The following ZYG11A variants were observed in gnomAD, a reference collection of about 807,000 sequenced individuals.
The protein encoded by ZYG11A is zyg-11 family member A, cell cycle regulator, also known as protein zyg-11 homolog A.
In ZYG11A, 62 loss-of-function variants were observed where a neutral mutation model predicts 77.2. The ratio of observed to expected loss-of-function variants is 0.80; its 90% CI spans 0.65 to 0.99. The LOEUF is 0.99. Among genes scored for constraint, ZYG11A ranks in the 50% least tolerant of loss-of-function variants. The pLI, the probability that ZYG11A is intolerant of heterozygous loss-of-function variation, is 0.00. For missense variants in ZYG11A, 828 were observed against 896.8 expected (o/e 0.92, Z 0.98); for synonymous variants, 315 against 324.6 (o/e 0.97, Z 0.32).
chr1:52,880,225 T>C (rs895890555), intron 10 of ZYG11A, among the ~76,000 whole-genome samples: 1 of 151,982 alleles, frequency 6.6e-6, no homozygotes, highest in African/African-American at 2.4e-5. Context: ...AGATGAGAGA[T>C]ATAGCTGGTC....
At chr1:52,891,314 A>T (rs1391039787) in intron 13 of ZYG11A, among the ~76,000 whole-genome samples, 4 of 150,066 alleles carry the variant, frequency 2.7e-5, no homozygotes, top group Non-Finnish European at 6.0e-5. Context: ...CTTCTTTAAA[A>T]GTAATTATTT....
In ZYG11A at chr1:52,842,889, T is replaced by C; in HGVS notation, c.6T>C (p.Val2=). The C allele has an allele frequency of 6.5e-7, 1 of 1,532,056 alleles. No homozygotes were observed. Among genetic ancestry groups the C allele is most frequent in the Non-Finnish European group, 8.8e-7 (1 of 1,138,846 alleles). 94.9% of individuals were successfully genotyped at this position (1,532,056 alleles called of 1,614,324 possible). A position where few individuals can be genotyped will look rare whatever the true frequency, so the allele number is the denominator to read the frequency against. Residue 2 remains valine (V), a synonymous_variant, in exon 1 of 14, where the codon GTT becomes GTC. Coordinates refer to ENST00000371528, the MANE Select transcript of ZYG11A (RefSeq NM_001004339.3). M[V]HFLHPGHTPR... ...GCCCCGCCGCCGGGGTTGCCATGGTTCATTTCTTGCACCCGGGCCACACGC... is the reference window on the plus strand; with the variant it reads ...GCCCCGCCGCCGGGGTTGCCATGGTCCATTTCTTGCACCCGGGCCACACGC...
At chr1:52,843,570 T>G (rs948351081) in intron 1 of ZYG11A, among the ~76,000 whole-genome samples, 4 of 152,166 alleles carry the variant, frequency 2.6e-5, no homozygotes, top group African/African-American at 9.6e-5. Context: ...CCCGTCCCCG[T>G]CCCGTCCCCA....
chr1:52,892,779 C>T lies in ZYG11A; in HGVS notation c.2105-3C>T, dbSNP rs904155896. 21 of 1,551,162 alleles carry T rather than the reference C, an allele frequency of 1.4e-5. No homozygotes were observed. The highest frequency in any genetic ancestry group is 1.7e-5 in the Non-Finnish European group (20 of 1,146,822). Reference sequence around the variant, plus strand: ...GGAGTGTCTCTGCTTGATTTTCTTTCAGCCAGCAAATACTGCAAAATGTTA... The same window carrying T: ...GGAGTGTCTCTGCTTGATTTTCTTTTAGCCAGCAAATACTGCAAAATGTTA... On this transcript the variant is annotated splice_region_variant and splice_polypyrimidine_tract_variant and intron_variant, in intron 13 of 13. Transcript: ENST00000371528.
intron 11 of ZYG11A, among the ~76,000 whole-genome samples, chr1:52,883,557 C>T (rs748770628): frequency 4.7e-5 from 7 of 150,518 alleles, no homozygotes; most frequent in African/African-American, 9.8e-5. Flanking sequence ...CCTCCCAAGT[C>T]GCTGGACTAC....
intron 3 of ZYG11A, among the ~76,000 whole-genome samples, chr1:52,859,448 G>T (rs1571847252): frequency 6.6e-6 from 1 of 151,980 alleles, no homozygotes; most frequent in African/African-American, 2.4e-5. Flanking sequence ...CCATTCTCCT[G>T]CCTCAGGCTC....
chr1:52,881,505 A>T lies in ZYG11A; in HGVS notation c.1784A>T (p.Lys595Met). 6.4e-7 allele frequency: 1 copy of T among 1,551,552 alleles called. No individual in the cohort carries two copies. The highest frequency in any genetic ancestry group is 8.7e-7 in the Non-Finnish European group (1 of 1,146,894). The change falls in exon 11 of 14, where the codon AAG (lysine) becomes ATG (methionine). Residue 595 changes from lysine (K) to methionine (M), a missense_variant. Transcript: ENST00000371528. ...GCAGAAGTCAGAGAGCTCTCTTCCA[A>T]GCTGGTGACCGAAGATGTGCTGAAG... is the stretch of plus-strand genomic sequence containing the variant. ...NIAEVRELSS[K>M]LVTEDVLKHI...
chr1:52,862,534 G>T (rs544441168), intron 4 of ZYG11A, among the ~76,000 whole-genome samples: 3 of 151,650 alleles, frequency 2.0e-5, no homozygotes, highest in African/African-American at 7.3e-5. Context: ...GGATGGTCTC[G>T]ATTTCCTGAC....
chr1:52,878,966 A>C (rs938393188), intron 10 of ZYG11A, among the ~76,000 whole-genome samples: 1 of 149,656 alleles, frequency 6.7e-6, no homozygotes, highest in South Asian at 2.1e-4. Flanking sequence ...AAAAAAAAAA[A>C]AAAAAAAAAC....
chr1:52,881,085 TTAAG>T (rs1429538044), intron 10 of ZYG11A: 1 of 155,764 alleles, frequency 6.4e-6, no homozygotes, highest in African/African-American at 2.4e-5. Flanking sequence ...TTCAGTAATG[TTAAG>T]TATTTGAATT....
intron 8 of ZYG11A, among the ~76,000 whole-genome samples, chr1:52,871,148 G>GT (rs1436033926): frequency 6.6e-6 from 1 of 151,944 alleles, no homozygotes; most frequent in Non-Finnish European, 1.5e-5. Context: ...GTTTTGTTTT[G>GT]TTTAAGAGAC....
At chr1:52,875,019 G>A (rs1243552889) in intron 8 of ZYG11A, among the ~76,000 whole-genome samples, 3 of 152,220 alleles carry the variant, frequency 2.0e-5, no homozygotes, top group Non-Finnish European at 4.4e-5. Context: ...TCTCCTAGAT[G>A]TGCCTGTTTA....
intron 13 of ZYG11A, among the ~76,000 whole-genome samples, chr1:52,888,608 T>A (rs973138514): frequency 1.3e-5 from 2 of 152,194 alleles, no homozygotes; most frequent in African/African-American, 4.8e-5. Context: ...TCTGCCCGCC[T>A]CAGCCTCCCA....
chr1:52,888,147 A>G (rs1414000487), intron 13 of ZYG11A, among the ~76,000 whole-genome samples: 1 of 152,222 alleles, frequency 6.6e-6, no homozygotes, highest in East Asian at 1.9e-4. Context: ...GTAATGAGAC[A>G]TGCAGTAAAC....
intron 5 of ZYG11A, among the ~76,000 whole-genome samples, chr1:52,865,015 G>A (rs1302136154): frequency 1.3e-5 from 2 of 151,712 alleles, no homozygotes; most frequent in Non-Finnish European, 2.9e-5. Flanking sequence ...AGGCTAGAGT[G>A]CAGTAGCACG....
chr1:52,860,927 T>C, intron 4 of ZYG11A, 56 bp downstream of exon 4: 2 of 1,480,594 alleles, frequency 1.4e-6, no homozygotes, highest in Middle Eastern at 1.7e-4. Flanking sequence ...CAATTAATAA[T>C]TGTTCACGAA....
intron 10 of ZYG11A, among the ~76,000 whole-genome samples, chr1:52,879,546 T>C (rs1646325126): frequency 6.6e-6 from 1 of 152,134 alleles, no homozygotes; most frequent in Non-Finnish European, 1.5e-5. Context: ...AAAGTCATTT[T>C]TGGCTAGGGA....
chr1:52,857,654 C>T lies in ZYG11A; in HGVS notation c.913C>T (p.Leu305=), dbSNP rs1484906388. Residue 305 remains leucine, a synonymous_variant, in exon 3 of 14, where the codon CTG becomes TTG. Coordinates refer to ENST00000371528, the MANE Select transcript of ZYG11A (RefSeq NM_001004339.3). ...GNCITDEAVE[L]FIRLRPAMQF... is the part of the protein sequence containing the mutation. ...TTGCATCACTGATGAAGCTGTAGAA[C>T]TGTTTATACGACTGCGGCCTGCCAT... is the stretch of plus-strand genomic sequence containing the variant. The T allele has an allele frequency of 6.4e-7, 1 of 1,552,056 alleles. No individual in the cohort carries two copies. The highest frequency in any genetic ancestry group is 8.7e-7 in the Non-Finnish European group (1 of 1,147,110).
chr1:52,868,006 G>A (rs1646060800), intron 8 of ZYG11A, among the ~76,000 whole-genome samples: 1 of 122,012 alleles, frequency 8.2e-6, no homozygotes, highest in South Asian at 2.5e-4. Flanking sequence ...TCACTCTGTC[G>A]CCCAGGCTGG....
Sources: gnomAD v4.1 joint callset for allele counts (sites outside exome capture counted in the v4.1 genomes callset) on GRCh38, gnomAD v4.1.1 for gene constraint, MANE v1.5 for transcripts, NCBI Gene and HGNC (gene_info 2026-07-23, HGNC 2026-07-21) for gene names.